AGAP1: variants seen among roughly 807,000 people sequenced by gnomAD.
The protein encoded by AGAP1 is ArfGAP with GTPase domain, ankyrin repeat and PH domain 1, also known as arf-GAP with GTPase, ANK repeat and PH domain-containing protein 1.
AGAP1 carries 29 observed loss-of-function variants against 105.3 expected under a neutral mutation model. The ratio of observed to expected loss-of-function variants is 0.28; its 90% CI spans 0.21 to 0.38. The LOEUF (loss-of-function observed/expected upper bound fraction) is 0.38, where lower values mean the gene tolerates loss of function less well. AGAP1 is among the 10% of genes least tolerant of loss of function. The probability of loss-of-function intolerance (pLI) is 1.00; values close to 1 mark genes in which losing one functional copy is unlikely to be tolerated. For missense variants in AGAP1, 998 were observed against 1,165.1 expected (o/e 0.86, Z 2.09); for synonymous variants, 509 against 485.9 (o/e 1.05, Z -0.63).
At chr2:235,638,183 T>A (rs769094982) in intron 1 of AGAP1, among the ~76,000 whole-genome samples, 40 of 152,224 alleles carry the variant, frequency 2.6e-4, no homozygotes, top group Non-Finnish European at 5.6e-4. Flanking sequence ...TAGTTGGTTC[T>A]GTCACACAGC....
At chr2:236,015,247 A>G (rs554232186) in intron 13 of AGAP1, among the ~76,000 whole-genome samples, 28 of 152,336 alleles carry the variant, frequency 1.8e-4, no homozygotes, top group Admixed American at 3.9e-4. Context: ...TATCAGGTGT[A>G]ATGATCTGTA....
rs1946555641 is a variant in AGAP1 at position 235,623,709 on chromosome 2, A to G, written c.164-85470A>G. Among the ~76,000 whole-genome samples, 1 of 151,954 alleles carries G rather than the reference A, an allele frequency of 6.6e-6. No homozygotes were observed. Among genetic ancestry groups the G allele is most frequent in the Non-Finnish European group, 1.5e-5 (1 of 67,992 alleles). ...CTTCACTCCTCCCCTCATTTTGGAC[A>G]TTTTCTCAGAATGAATGATACATCT... On this transcript the variant is annotated intron_variant, in intron 1 of 17. Transcript: ENST00000304032. This position sits in a 1 kb window ranked among gnomAD's most constrained non-coding sequence, Gnocchi z 4.5.
In AGAP1 at chr2:235,614,778, G is replaced by A. The variant is rs984352310; in HGVS notation, c.164-94401G>A. Among the ~76,000 whole-genome samples, 8 of 152,194 alleles carry A rather than the reference G, an allele frequency of 5.3e-5. No individual in the cohort carries two copies. The highest frequency in any genetic ancestry group is 1.9e-4 in the African/African-American group (8 of 41,456). On this transcript the variant is annotated intron_variant, in intron 1 of 17. Transcript: ENST00000304032. The surrounding 1 kb of genome is among the most constrained non-coding windows in gnomAD (Gnocchi z 4.7). ...TTTGTGGGAAATAGAACACAGCGTT[G>A]GGTACCAAGAGGGTGCTGTCTTTTC...
Position 236,000,955 on chromosome 2 carries a change from G to T in AGAP1, c.1645+32332G>T, listed in dbSNP as rs111589484. ...GAGGGTGAGAGTCCATGCCATAAAGGACTGTCATCCATCTGTCATTGGCTG... is the reference window on the plus strand; with the variant it reads ...GAGGGTGAGAGTCCATGCCATAAAGTACTGTCATCCATCTGTCATTGGCTG... On this transcript the variant is annotated intron_variant, in intron 13 of 17. Coordinates refer to ENST00000304032, the MANE Select transcript of AGAP1 (RefSeq NM_001037131.3). This position sits in a 1 kb window ranked among gnomAD's most constrained non-coding sequence, Gnocchi z 4.3. Among the ~76,000 whole-genome samples the T allele has an allele frequency of 9.8e-3, 1,496 of 152,260 alleles. 23 individuals carry two copies. The highest frequency in any genetic ancestry group is 0.034 in the African/African-American group (1,424 of 41,534).
chr2:235,532,367 C>A, intron 1 of AGAP1, among the ~76,000 whole-genome samples: 1 of 152,212 alleles, frequency 6.6e-6, no homozygotes. Context: ...CAGGCCCACG[C>A]CATCACACCT....
chr2:235,942,876 T>G (rs1371026019), intron 12 of AGAP1, among the ~76,000 whole-genome samples: 1 of 152,238 alleles, frequency 6.6e-6, no homozygotes, highest in African/African-American at 2.4e-5. Context: ...TAAAAAGATT[T>G]GTCAATTTGA....
intron 1 of AGAP1, among the ~76,000 whole-genome samples, chr2:235,699,776 G>C (rs914440914): frequency 1.3e-5 from 2 of 152,222 alleles, no homozygotes; most frequent in African/African-American, 4.8e-5. Context: ...CGCAGTGGGG[G>C]TGTCTGCACT....
rs1952130978 is a variant in AGAP1, at chr2:235,734,515, A to G, written c.311-6448A>G. Among the ~76,000 whole-genome samples, 1 of 151,366 alleles carries G rather than the reference A, an allele frequency of 6.6e-6. No individual in the cohort carries two copies. Among genetic ancestry groups the G allele is most frequent in the African/African-American group, 2.4e-5 (1 of 40,932 alleles). ...GAAGTCAAGAGTCATTTTCATCCTTAGCTCAGGCATGAAAAAAAAAAAAAG... is the reference window on the plus strand; with the variant it reads ...GAAGTCAAGAGTCATTTTCATCCTTGGCTCAGGCATGAAAAAAAAAAAAAG... On this transcript the variant is annotated intron_variant, in intron 3 of 17. Transcript: ENST00000304032. This position sits in a 1 kb window ranked among gnomAD's most constrained non-coding sequence, Gnocchi z 5.3.
chr2:235,575,853 AG>A (rs1462587522), intron 1 of AGAP1, among the ~76,000 whole-genome samples: 1 of 151,554 alleles, frequency 6.6e-6, no homozygotes, highest in Non-Finnish European at 1.5e-5. Flanking sequence ...GAGATTGGGG[AG>A]GGAAGTCTGT....
At chr2:235,786,054 A>G (rs1956615443) in intron 6 of AGAP1, among the ~76,000 whole-genome samples, 2 of 152,214 alleles carry the variant, frequency 1.3e-5, no homozygotes, top group South Asian at 2.1e-4. Flanking sequence ...AGGATCATCA[A>G]CTTTCTCTGC....
intron 11 of AGAP1, among the ~76,000 whole-genome samples, chr2:235,912,214 A>G (rs1418731931): frequency 1.3e-5 from 2 of 152,250 alleles, no homozygotes; most frequent in Non-Finnish European, 2.9e-5. Flanking sequence ...TTTCTTGCTT[A>G]AGAAATTAAA....
chr2:235,946,014 G>A (rs186048586), intron 12 of AGAP1, among the ~76,000 whole-genome samples: 4 of 151,942 alleles, frequency 2.6e-5, no homozygotes, highest in East Asian at 1.9e-4. Context: ...AAGCCCCACC[G>A]CCAGCATTGG....
At position 235,788,670 on chromosome 2, in the gene AGAP1, G is replaced by T. The variant is rs1956793551; in HGVS notation, c.674-9089G>T. ...GGGCGTCCTGTTGGTGCATGGGGCA[G>T]ACTGAAGCCTGAGACATGACCCCCG... is the stretch of plus-strand genomic sequence containing the variant. On this transcript the variant is annotated intron_variant, in intron 6 of 17. Coordinates refer to ENST00000304032, the MANE Select transcript of AGAP1 (RefSeq NM_001037131.3). The surrounding 1 kb of genome is among the most constrained non-coding windows in gnomAD (Gnocchi z 6.0). 6.6e-6 allele frequency among the ~76,000 whole-genome samples: 1 copy of T among 152,140 alleles called. No homozygotes were observed. Among genetic ancestry groups the T allele is most frequent in the East Asian group, 1.9e-4 (1 of 5,186 alleles).
chr2:235,905,422 CTAAAGATGCTTGAGA>C lies in AGAP1; in HGVS notation c.1156-3315_1156-3301del, dbSNP rs2125020859. Among the ~76,000 whole-genome samples the C allele has an allele frequency of 6.6e-6, 1 of 152,320 alleles. No individual in the cohort carries two copies. The highest frequency in any genetic ancestry group is 2.1e-4 in the South Asian group (1 of 4,824). On this transcript the variant is annotated intron_variant, in intron 10 of 17. Transcript: ENST00000304032. The surrounding 1 kb of genome is among the most constrained non-coding windows in gnomAD (Gnocchi z 4.2). ...TTCAGTGGATATTAATGGAAGTAAA[CTAAAGATGCTTGAGA>C]AAAACCTTTTTTAGGAAGTGACCAA...
intron 1 of AGAP1, chr2:235,670,168 C>A (rs1948304802): frequency 3.4e-6 from 2 of 584,670 alleles, no homozygotes; most frequent in East Asian, 7.5e-5. Context: ...GCGGGACGCC[C>A]CCCAGAAAGA....
chr2:236,123,915 G>A lies in AGAP1; in HGVS notation c.2371-4G>A, dbSNP rs749694049. 12 of 1,612,214 alleles carry A rather than the reference G, an allele frequency of 7.4e-6. No homozygotes were observed. The highest frequency in any genetic ancestry group is 2.2e-5 in the East Asian group (1 of 44,866). On this transcript the variant is annotated splice_polypyrimidine_tract_variant and splice_region_variant and intron_variant, in intron 17 of 17. Coordinates refer to ENST00000304032, the MANE Select transcript of AGAP1 (RefSeq NM_001037131.3). This position sits in a 1 kb window ranked among gnomAD's most constrained non-coding sequence, Gnocchi z 4.6. ...TACTAATGTGGGCTCCCTTACCTCC[G>A]CAGTACGGAGTGGACGTCACGGCCC...
rs112214465 is a variant in AGAP1, at chr2:236,128,316, C to T, written c.*4194C>T. On this transcript the variant is annotated 3_prime_UTR_variant, in exon 18 of 18. Coordinates refer to ENST00000304032, the MANE Select transcript of AGAP1 (RefSeq NM_001037131.3). This position sits in a 1 kb window ranked among gnomAD's most constrained non-coding sequence, Gnocchi z 5.9. Reference sequence around the variant, plus strand: ...GGTGCTGATCAGGGCCAAGACGACCCTTCCCTCTCCCCCACAGCCTGTTGA... The same window carrying T: ...GGTGCTGATCAGGGCCAAGACGACCTTTCCCTCTCCCCCACAGCCTGTTGA... 1 of 152,456 alleles carries T rather than the reference C, an allele frequency of 6.6e-6. No homozygotes were observed. Among genetic ancestry groups the T allele is most frequent in the Non-Finnish European group, 1.5e-5 (1 of 68,198 alleles). 9.4% of individuals were successfully genotyped at this position (152,456 alleles called of 1,614,324 possible).
chr2:235,495,365 G>A (rs1319647282), intron 1 of AGAP1, among the ~76,000 whole-genome samples: 1 of 152,268 alleles, frequency 6.6e-6, no homozygotes, highest in Non-Finnish European at 1.5e-5. Context: ...CTTAGTGGAT[G>A]CCGAGAGCCA....
chr2:235,590,832 T>C (rs997619240), intron 1 of AGAP1, among the ~76,000 whole-genome samples: 2 of 148,890 alleles, frequency 1.3e-5, no homozygotes, highest in Non-Finnish European at 3.0e-5. Flanking sequence ...GCCATTCTCC[T>C]GCCTCAGCCT....
Sources: gnomAD v4.1 joint callset for allele counts (sites outside exome capture counted in the v4.1 genomes callset) on GRCh38, gnomAD v4.1.1 for gene constraint, Gnocchi (gnomAD v3.1) non-coding constraint, MANE v1.5 for transcripts, NCBI Gene and HGNC (gene_info 2026-07-23, HGNC 2026-07-21) for gene names.